The following C1QTNF7 variants were observed in gnomAD, a reference collection of about 807,000 sequenced individuals.
The protein encoded by C1QTNF7 is complement C1q tumor necrosis factor-related protein 7.
C1QTNF7 carries 15 observed loss-of-function variants against 19.6 expected under a neutral mutation model. The observed-to-expected ratio is 0.76, with a 90% CI of 0.51 to 1.18. The LOEUF is 1.18. Ranked by LOEUF, C1QTNF7 falls within the 50% of genes most tolerant of loss-of-function variation. The pLI, the probability that C1QTNF7 is intolerant of heterozygous loss-of-function variation, is 0.00. For missense variants in C1QTNF7, 324 were observed against 359.7 expected (o/e 0.90, Z 0.80); for synonymous variants, 142 against 137.5 (o/e 1.03, Z -0.23).
At chr4:15,411,120 AG>A (rs940941514) in intron 1 of C1QTNF7, among the ~76,000 whole-genome samples, 6 of 152,216 alleles carry the variant, frequency 3.9e-5, no homozygotes, top group African/African-American at 1.2e-4. Context: ...CATTCCAATA[AG>A]AACTTATTAT....
upstream of C1QTNF7, among the ~76,000 whole-genome samples, chr4:15,424,310 T>A (rs1230427047): frequency 6.6e-6 from 1 of 152,200 alleles, no homozygotes; most frequent in African/African-American, 2.4e-5. Context: ...CACTTTCAGC[T>A]CCTCTTGAGT....
upstream of C1QTNF7, among the ~76,000 whole-genome samples, chr4:15,424,611 T>A (rs1229417456): frequency 6.6e-6 from 1 of 152,192 alleles, no homozygotes; most frequent in Admixed American, 6.5e-5. Context: ...TCAGCTGCCT[T>A]CCTCAGTACC....
At chr4:15,403,410 C>T (rs946820777) in intron 1 of C1QTNF7, among the ~76,000 whole-genome samples, 1 of 152,118 alleles carries the variant, frequency 6.6e-6, no homozygotes, top group Non-Finnish European at 1.5e-5. Context: ...AAAATCAAGG[C>T]TTTGACAGGG....
intron 1 of C1QTNF7, among the ~76,000 whole-genome samples, chr4:15,394,694 A>G (rs990848727): frequency 8.5e-5 from 13 of 152,100 alleles, no homozygotes; most frequent in African/African-American, 2.9e-4. Context: ...TTCAAAAATT[A>G]CAAACATGTG....
chr4:15,379,550 C>T (rs532085956), intron 1 of C1QTNF7, among the ~76,000 whole-genome samples: 4 of 152,258 alleles, frequency 2.6e-5, no homozygotes, highest in South Asian at 4.1e-4. Flanking sequence ...GCAGCAAAGC[C>T]GCAAGTCAAC....
chr4:15,381,374 A>G (rs1166227428), intron 1 of C1QTNF7, among the ~76,000 whole-genome samples: 1 of 150,992 alleles, frequency 6.6e-6, no homozygotes, highest in African/African-American at 2.4e-5. Flanking sequence ...CAGAGCAGAG[A>G]TGGCGCCACT....
At chr4:15,386,130 G>T (rs1718327755) in intron 1 of C1QTNF7, among the ~76,000 whole-genome samples, 1 of 152,136 alleles carries the variant, frequency 6.6e-6, no homozygotes, top group Non-Finnish European at 1.5e-5. Context: ...GAGCAGGGAG[G>T]ATGTCCGCAT....
rs762374482 is a variant in C1QTNF7 at position 15,405,320 on chromosome 4, T to C, written c.14-30416T>C. Among the ~76,000 whole-genome samples the C allele has an allele frequency of 6.6e-5, 10 of 152,288 alleles. No homozygotes were observed. The South Asian group carries it at 1.7e-3, about 25-fold the overall frequency. ...AGAGTAGGACACAGGGATGTGCTGA[T>C]TGGATCTGTGTCCTTTCATCAGGAA... On this transcript the variant is annotated intron_variant, in intron 1 of 2. Transcript: ENST00000295297.
At chr4:15,389,515 G>A (rs1043034805) in intron 1 of C1QTNF7, among the ~76,000 whole-genome samples, 1 of 152,152 alleles carries the variant, frequency 6.6e-6, no homozygotes, top group African/African-American at 2.4e-5. Flanking sequence ...CGTCTCCCAG[G>A]TTCAAGCGAT....
chr4:15,352,258 A>G (rs551704102), intron 1 of C1QTNF7, among the ~76,000 whole-genome samples: 3 of 152,190 alleles, frequency 2.0e-5, no homozygotes, highest in Non-Finnish European at 4.4e-5. Flanking sequence ...CAAAAATTCT[A>G]TAAAATAGCT....
chr4:15,418,313 G>A (rs966538411), intron 1 of C1QTNF7, among the ~76,000 whole-genome samples: 8 of 151,934 alleles, frequency 5.3e-5, no homozygotes, highest in African/African-American at 1.9e-4. Context: ...CCCTCTCATG[G>A]AACCCCATTG....
rs1212761115 is a variant in C1QTNF7 at position 15,442,886 on chromosome 4, T to C, written c.*87T>C. 9.1e-6 allele frequency: 12 copies of C among 1,323,414 alleles called. No individual in the cohort carries two copies. The highest frequency in any genetic ancestry group is 1.2e-5 in the Non-Finnish European group (12 of 978,476). The allele number at this position is 1,323,414 out of a possible 1,614,324, so 82.0% of individuals were successfully genotyped here. A position where few individuals can be genotyped will look rare whatever the true frequency, so the allele number is the denominator to read the frequency against. ...AAGCAGGAATGGGATCCAAAGAGAC[T>C]CCCACTCAGATTCTAAAGCATTTAA... On this transcript the variant is annotated 3_prime_UTR_variant, in exon 3 of 3. Coordinates refer to ENST00000444304, the MANE Select transcript of C1QTNF7 (RefSeq NM_031911.5).
At chr4:15,401,261 C>G (rs916773284) in intron 1 of C1QTNF7, among the ~76,000 whole-genome samples, 2 of 151,936 alleles carry the variant, frequency 1.3e-5, no homozygotes, top group African/African-American at 4.8e-5. Flanking sequence ...GAATGAGGAG[C>G]GTGTGGGGAG....
chr4:15,420,826 C>CTTTTTTTTTTTT (rs61609914), intron 1 of C1QTNF7, among the ~76,000 whole-genome samples: 10 of 66,244 alleles, frequency 1.5e-4, no homozygotes, highest in Admixed American at 4.4e-4. Flanking sequence ...ACTGCTTTGT[C>CTTTTTTTTTTTT]TTTTTTTTTT....
At chr4:15,440,520 G>T (rs868233345) in intron 2 of C1QTNF7, among the ~76,000 whole-genome samples, 5 of 151,082 alleles carry the variant, frequency 3.3e-5, no homozygotes, top group Admixed American at 1.3e-4. Flanking sequence ...CAATTCCCCT[G>T]CCTCAGCCTT....
At chr4:15,400,424 A>T (rs1718942432) in intron 1 of C1QTNF7, among the ~76,000 whole-genome samples, 1 of 152,252 alleles carries the variant, frequency 6.6e-6, no homozygotes, top group South Asian at 2.1e-4. Flanking sequence ...CATTTGTATG[A>T]AAGGGAGTGG....
In C1QTNF7 at chr4:15,442,656, G is replaced by C; in HGVS notation, c.727G>C (p.Asp243His). Reference sequence around the variant, plus strand: ...CACAGTCATCTATCTGCAGCCAGAAGATGAAGTCTGGCTGGAGATTTTCTT... The same window carrying C: ...CACAGTCATCTATCTGCAGCCAGAACATGAAGTCTGGCTGGAGATTTTCTT... ...GSTVIYLQPE[D>H]EVWLEIFFTD... The change falls in exon 3 of 3, where the codon GAT becomes CAT. Residue 243 changes from aspartate to histidine, a missense_variant. Physicochemically the swap from Asp to His is moderately conservative, Grantham distance 81 (BLOSUM62 -1). Transcript: ENST00000444304. The C allele has an allele frequency of 6.2e-7, 1 of 1,614,222 alleles. No individual in the cohort carries two copies. The highest frequency in any genetic ancestry group is 8.5e-7 in the Non-Finnish European group (1 of 1,180,046).
chr4:15,374,502 T>A (rs1270304377), intron 1 of C1QTNF7: 1 of 937,258 alleles, frequency 1.1e-6, no homozygotes, highest in Non-Finnish European at 1.3e-6. Context: ...CGACGTCTTC[T>A]TTCGGGCTCG....
intron 1 of C1QTNF7, among the ~76,000 whole-genome samples, chr4:15,434,512 T>C (rs748543700): frequency 6.6e-6 from 1 of 152,196 alleles, no homozygotes; most frequent in Non-Finnish European, 1.5e-5. Flanking sequence ...GGTCAAGCAC[T>C]ATATAGATTT....
Sources: gnomAD v4.1 joint callset for allele counts (sites outside exome capture counted in the v4.1 genomes callset) on GRCh38, gnomAD v4.1.1 for gene constraint, MANE v1.5 for transcripts, NCBI Gene and HGNC (gene_info 2026-07-23, HGNC 2026-07-21) for gene names.